GRIP1: variants seen among roughly 807,000 people sequenced by gnomAD.
GRIP1 encodes the protein glutamate receptor-interacting protein 1.
GRIP1 carries 45 observed loss-of-function variants against 129.9 expected under a neutral mutation model. The observed-to-expected ratio is 0.35, with a 90% CI of 0.27 to 0.44. The LOEUF (loss-of-function observed/expected upper bound fraction) is 0.44. Ranked by LOEUF, GRIP1 falls within the 20% of genes least tolerant of loss-of-function variation. The probability of loss-of-function intolerance (pLI) is 1.00; values close to 1 mark genes in which losing one functional copy is unlikely to be tolerated. For missense variants in GRIP1, 1,196 were observed against 1,396.8 expected, an observed-to-expected ratio of 0.86 and a Z score of 2.29; for synonymous variants, 530 against 520.8, an observed-to-expected ratio of 1.02 and a Z score of -0.24.
At chr12:66,737,930 G>A (rs1300580791) in intron 1 of GRIP1, among the ~76,000 whole-genome samples, 1 of 152,144 alleles carries the variant, frequency 6.6e-6, no homozygotes, top group African/African-American at 2.4e-5. Flanking sequence ...AAGAGAAAGG[G>A]CAGGCTGCAA....
At chr12:66,666,331 A>C (rs1342190945) in intron 1 of GRIP1, among the ~76,000 whole-genome samples, 1 of 152,164 alleles carries the variant, frequency 6.6e-6, no homozygotes, top group Non-Finnish European at 1.5e-5. Flanking sequence ...TATAAAGGTC[A>C]AGTTCATCTG....
intron 1 of GRIP1, among the ~76,000 whole-genome samples, chr12:66,936,050 C>T (rs1387223930): frequency 6.6e-6 from 1 of 152,132 alleles, no homozygotes; most frequent in East Asian, 1.9e-4. Flanking sequence ...AAACTCTGAA[C>T]ACCAAGTCTC....
chr12:67,061,845 C>T (rs1302172336), intron 1 of GRIP1, among the ~76,000 whole-genome samples: 1 of 151,980 alleles, frequency 6.6e-6, no homozygotes, highest in African/African-American at 2.4e-5. Flanking sequence ...TACTTTTTCC[C>T]CTACATTGAC....
intron 16 of GRIP1, among the ~76,000 whole-genome samples, chr12:66,405,051 C>G (rs1037444383): frequency 6.6e-6 from 1 of 152,092 alleles, no homozygotes; most frequent in East Asian, 1.9e-4. Context: ...AACAAACAAA[C>G]AAAACATCTA....
chr12:66,892,759 T>C (rs919173287), intron 1 of GRIP1, among the ~76,000 whole-genome samples: 2 of 139,760 alleles, frequency 1.4e-5, no homozygotes, highest in Non-Finnish European at 3.1e-5. Flanking sequence ...CCTACAACTT[T>C]GAGGCAAGCC....
At chr12:66,485,239 G>A (rs1436508174) in intron 7 of GRIP1, among the ~76,000 whole-genome samples, 1 of 152,088 alleles carries the variant, frequency 6.6e-6, no homozygotes, top group Non-Finnish European at 1.5e-5. Flanking sequence ...GTGTGTAGTG[G>A]TATCACACTG....
At chr12:66,468,377 C>A (rs574055406) in intron 7 of GRIP1, among the ~76,000 whole-genome samples, 3 of 152,168 alleles carry the variant, frequency 2.0e-5, no homozygotes, top group African/African-American at 7.2e-5. Flanking sequence ...AAACTTCTAT[C>A]GTATTTATGT....
chr12:66,534,762 C>T (rs1487085813), intron 4 of GRIP1, among the ~76,000 whole-genome samples: 42 of 152,034 alleles, frequency 2.8e-4, no homozygotes, highest in Admixed American at 2.4e-3. Context: ...GGCATAATCT[C>T]GGCTCACCAC....
chr12:66,384,104 A>T (rs544845399), intron 19 of GRIP1, among the ~76,000 whole-genome samples: 1 of 152,310 alleles, frequency 6.6e-6, no homozygotes, highest in South Asian at 2.1e-4. Context: ...GTATTATTAG[A>T]GTTTTCAGTT....
intron 5 of GRIP1, among the ~76,000 whole-genome samples, chr12:66,522,702 A>C (rs568085058): frequency 9.8e-5 from 15 of 152,296 alleles, no homozygotes; most frequent in Non-Finnish European, 2.1e-4. Flanking sequence ...AAGTTGAGAG[A>C]AGAAGACTTC....
chr12:66,909,980 T>C (rs1226009569), intron 1 of GRIP1, among the ~76,000 whole-genome samples: 3 of 152,176 alleles, frequency 2.0e-5, no homozygotes, highest in Non-Finnish European at 4.4e-5. Context: ...TCTAAGCAGA[T>C]TATAATCAAT....
intron 1 of GRIP1, among the ~76,000 whole-genome samples, chr12:66,883,796 T>C (rs1252696659): frequency 6.6e-6 from 1 of 152,238 alleles, no homozygotes; most frequent in Non-Finnish European, 1.5e-5. Context: ...AGATCGGGTT[T>C]CAGCTCTGTT....
chr12:66,880,293 T>A (rs539162519), intron 1 of GRIP1, among the ~76,000 whole-genome samples: 3 of 151,940 alleles, frequency 2.0e-5, no homozygotes, highest in Non-Finnish European at 2.9e-5. Context: ...AAAAGGGAGT[T>A]GGGGGGATGG....
intron 1 of GRIP1, among the ~76,000 whole-genome samples, chr12:66,907,493 C>T (rs1320193048): frequency 1.3e-5 from 2 of 152,146 alleles, no homozygotes; most frequent in Admixed American, 6.5e-5. Flanking sequence ...AAATGAATCT[C>T]ACCTTAGCTA....
chr12:66,483,928 C>G (rs1489358330), intron 7 of GRIP1, among the ~76,000 whole-genome samples: 1 of 151,184 alleles, frequency 6.6e-6, no homozygotes. Flanking sequence ...GGCGGGATCT[C>G]GGCTCACTGC....
intron 15 of GRIP1, among the ~76,000 whole-genome samples, chr12:66,417,271 G>T (rs1322846233): frequency 6.6e-6 from 1 of 151,994 alleles, no homozygotes; most frequent in East Asian, 1.9e-4. Flanking sequence ...CAAAAAACTA[G>T]GGTATAGAAG....
intron 1 of GRIP1, among the ~76,000 whole-genome samples, chr12:67,041,155 TTCTC>T (rs889959180): frequency 7.9e-5 from 12 of 151,118 alleles, no homozygotes; most frequent in African/African-American, 2.2e-4. Flanking sequence ...ATCTCTCTCT[TTCTC>T]TCTCTCTCTC....
At chr12:66,501,885 G>T (rs2060402953) in intron 7 of GRIP1, among the ~76,000 whole-genome samples, 1 of 152,078 alleles carries the variant, frequency 6.6e-6, no homozygotes, top group Admixed American at 6.6e-5. Flanking sequence ...CAGCATGTTG[G>T]CTTTACACCT....
chr12:66,758,245 T>C (rs1490055895), intron 1 of GRIP1, among the ~76,000 whole-genome samples: 1 of 152,122 alleles, frequency 6.6e-6, no homozygotes, highest in Non-Finnish European at 1.5e-5. Context: ...AAAAGGCATT[T>C]CTTACATGGC....
Sources: gnomAD v4.1 joint callset for allele counts (sites outside exome capture counted in the v4.1 genomes callset) on GRCh38, gnomAD v4.1.1 for gene constraint, MANE v1.5 for transcripts, NCBI Gene and HGNC (gene_info 2026-07-23, HGNC 2026-07-21) for gene names.